The following TMEM181 variants were observed in gnomAD, a reference collection of about 807,000 sequenced individuals.
The protein encoded by TMEM181 is transmembrane protein 181, also known as G protein-coupled receptor 178.
A neutral mutation model predicts 71.9 loss-of-function variants in TMEM181; 39 were observed. The observed-to-expected ratio is 0.54, with a 90% confidence interval of 0.42 to 0.71. The LOEUF is 0.71. Among genes scored for constraint, TMEM181 ranks in the 30% least tolerant of loss-of-function variants. The pLI is 0.00. For synonymous variants in TMEM181, 245 were observed against 228.8 expected, an observed-to-expected ratio of 1.07 and a Z score of -0.64; for missense variants, 595 against 583.0, an observed-to-expected ratio of 1.02 and a Z score of -0.21.
At chr6:158,590,372 C>A in intron 6 of TMEM181, among the ~76,000 whole-genome samples, 1 of 109,696 alleles carries the variant, frequency 9.1e-6, no homozygotes, top group Non-Finnish European at 1.8e-5. Context: ...CTAATGGATA[C>A]CTTCAAAAAA....
intron 1 of TMEM181, among the ~76,000 whole-genome samples, chr6:158,542,868 G>GTTTTTTTTTTT (rs61401561): frequency 1.4e-5 from 1 of 73,460 alleles, no homozygotes; most frequent in Non-Finnish European, 2.4e-5. Flanking sequence ...CTCCAGAGTG[G>GTTTTTTTTTTT]TTTTTTTTTT....
At chr6:158,588,078 A>G (rs1025792023) in intron 5 of TMEM181, among the ~76,000 whole-genome samples, 1 of 152,252 alleles carries the variant, frequency 6.6e-6, no homozygotes. Flanking sequence ...GGCAGGCAGC[A>G]GATTGCAATG....
intron 1 of TMEM181, among the ~76,000 whole-genome samples, chr6:158,545,896 T>G (rs1010756832): frequency 1.3e-5 from 2 of 152,214 alleles, no homozygotes; most frequent in African/African-American, 4.8e-5. Flanking sequence ...TGCGCTGTGT[T>G]TGTTCATGGT....
intron 10 of TMEM181, chr6:158,611,613 G>A: frequency 2.8e-6 from 1 of 355,134 alleles, no homozygotes; most frequent in Non-Finnish European, 5.5e-6. Flanking sequence ...GGTAGGATGT[G>A]GAGGGGTTCC....
intron 1 of TMEM181, among the ~76,000 whole-genome samples, chr6:158,562,144 C>CGAA (rs964616053): frequency 5.3e-5 from 8 of 152,214 alleles, no homozygotes; most frequent in African/African-American, 1.4e-4. Context: ...CTTATGACCT[C>CGAA]TGACTCTCAT....
chr6:158,635,059 C>CTT lies in TMEM181; in HGVS notation c.*3172_*3173insTT, dbSNP rs1786878831. ...AAAAAAAAGATACAGATCTTTTCCC[C>CTT]TGGCCAAAGGGAAGTTGTATTAGTC... On this transcript the variant is annotated 3_prime_UTR_variant, in exon 17 of 17. Transcript: ENST00000684151. 1 of 151,802 alleles carries CTT rather than the reference C, an allele frequency of 6.6e-6. No homozygotes were observed. The highest frequency in any genetic ancestry group is 1.5e-5 in the Non-Finnish European group (1 of 67,960). The allele number at this position is 151,802 out of a possible 1,614,324, so 9.4% of individuals were successfully genotyped here. A position where few individuals can be genotyped will look rare whatever the true frequency, so the allele number is the denominator to read the frequency against.
intron 1 of TMEM181, among the ~76,000 whole-genome samples, chr6:158,562,188 G>A (rs1782218629): frequency 6.6e-6 from 1 of 152,150 alleles, no homozygotes; most frequent in Non-Finnish European, 1.5e-5. Flanking sequence ...ATGTAGGAGA[G>A]ATTGCCATCA....
chr6:158,620,821 A>G lies in TMEM181; in HGVS notation c.897-2729A>G, dbSNP rs138683488. Among the ~76,000 whole-genome samples, 2,483 of 152,170 alleles carry G rather than the reference A, an allele frequency of 0.016. 52 individuals carry two copies. The highest frequency in any genetic ancestry group is 0.021 in the Non-Finnish European group (1,403 of 67,988). On this transcript the variant is annotated intron_variant, in intron 10 of 16. Transcript: ENST00000684151. The surrounding 1 kb of genome is among the most constrained non-coding windows in gnomAD (Gnocchi z 4.5). ...GTCCCCAACATCTGTCCCGGGTTTC[A>G]GCACCAAATGTAAGTGTTAAAGAGG...
At chr6:158,628,118 C>T (rs897945948) in intron 13 of TMEM181, among the ~76,000 whole-genome samples, 5 of 152,160 alleles carry the variant, frequency 3.3e-5, no homozygotes, top group African/African-American at 1.2e-4. Flanking sequence ...GGCTTCAAGG[C>T]CCCGAGTAGG....
chr6:158,548,718 G>C (rs1026079759), intron 1 of TMEM181, among the ~76,000 whole-genome samples: 3 of 152,350 alleles, frequency 2.0e-5, no homozygotes, highest in African/African-American at 7.2e-5. Flanking sequence ...ACAGGGGCTT[G>C]GTGTCTTTCT....
intron 1 of TMEM181, among the ~76,000 whole-genome samples, chr6:158,553,605 A>C (rs1389280590): frequency 6.6e-6 from 1 of 152,252 alleles, no homozygotes; most frequent in African/African-American, 2.4e-5. Context: ...CTTTGTGCTA[A>C]ACCCTAATAC....
chr6:158,625,898 C>A, intron 13 of TMEM181, 144 bp downstream of exon 13: 1 of 753,972 alleles, frequency 1.3e-6, no homozygotes, highest in South Asian at 1.6e-5. Context: ...CCCACCAAGG[C>A]TGGGCAGCCG....
chr6:158,562,078 C>T (rs1782211527), intron 1 of TMEM181, among the ~76,000 whole-genome samples: 2 of 152,082 alleles, frequency 1.3e-5, no homozygotes. Flanking sequence ...GGAGCAGGGG[C>T]AGCTCCACCA....
intron 1 of TMEM181, 145 bp downstream of exon 1, chr6:158,560,377 C>T (rs1782087164): frequency 2.1e-6 from 2 of 950,366 alleles, no homozygotes; most frequent in Admixed American, 1.2e-4. Flanking sequence ...CTGAAGGGGG[C>T]TTCGCGGGCG....
chr6:158,547,887 CAAAAAAAAAAAAAAA>C (rs34148643), intron 1 of TMEM181, among the ~76,000 whole-genome samples: 1 of 57,040 alleles, frequency 1.8e-5, no homozygotes, highest in Admixed American at 2.0e-4. Context: ...AACTCTGTCT[CAAAAAAAAAAAAAAA>C]AAAAAAAAAA....
intron 5 of TMEM181, among the ~76,000 whole-genome samples, chr6:158,586,803 TG>T (rs1783798602): frequency 6.6e-6 from 1 of 152,094 alleles, no homozygotes; most frequent in South Asian, 2.1e-4. Context: ...TCTATAAAGT[TG>T]GGATCAAGCC....
At chr6:158,629,385 C>T (rs749171479) in intron 14 of TMEM181, among the ~76,000 whole-genome samples, 4 of 152,134 alleles carry the variant, frequency 2.6e-5, no homozygotes, top group Non-Finnish European at 5.9e-5. Context: ...CTTGATTCAC[C>T]GTATGCCCGT....
At chr6:158,544,772 C>G (rs1781470953) in intron 1 of TMEM181, among the ~76,000 whole-genome samples, 1 of 152,144 alleles carries the variant, frequency 6.6e-6, no homozygotes, top group Admixed American at 6.5e-5. Flanking sequence ...GGCTGTGCTT[C>G]TCAGAGGAGA....
intron 1 of TMEM181, among the ~76,000 whole-genome samples, chr6:158,563,369 C>T (rs1782297107): frequency 6.6e-6 from 1 of 152,226 alleles, no homozygotes; most frequent in Admixed American, 6.5e-5. Context: ...GTCTCGAACT[C>T]CTGACCTCAG....
Sources: gnomAD v4.1 joint callset for allele counts (sites outside exome capture counted in the v4.1 genomes callset) on GRCh38, gnomAD v4.1.1 for gene constraint, Gnocchi (gnomAD v3.1) non-coding constraint, MANE v1.5 for transcripts, NCBI Gene and HGNC (gene_info 2026-07-23, HGNC 2026-07-21) for gene names.